Variants in DLGAP2 observed in about 807,000 individuals in gnomAD.
DLGAP2 encodes disks large-associated protein 2.
In DLGAP2, 26 loss-of-function variants were observed where a neutral mutation model predicts 100.3. The observed-to-expected ratio is 0.26, with a 90% CI of 0.19 to 0.36. The LOEUF is 0.36. Ranked by LOEUF, DLGAP2 falls within the 10% of genes least tolerant of loss-of-function variation. The pLI, the probability that DLGAP2 is intolerant of heterozygous loss-of-function variation, is 1.00. For synonymous variants in DLGAP2, 886 were observed against 630.1 expected (o/e 1.41, Z -6.08); for missense variants, 1,858 against 1,453.2 (o/e 1.28, Z -4.53).
chr8:867,200 C>A (rs1797514865), intron 1 of DLGAP2, among the ~76,000 whole-genome samples: 1 of 152,196 alleles, frequency 6.6e-6, no homozygotes, highest in South Asian at 2.1e-4. Flanking sequence ...GATCTATTTG[C>A]TTTATGCAAG....
chr8:1,646,585 T>C (rs555155412), intron 8 of DLGAP2, among the ~76,000 whole-genome samples: 1 of 152,218 alleles, frequency 6.6e-6, no homozygotes, highest in Non-Finnish European at 1.5e-5. Context: ...CCATCAGCTC[T>C]TCACACTGGA....
intron 2 of DLGAP2, among the ~76,000 whole-genome samples, chr8:1,211,632 T>A (rs960845351): frequency 6.6e-6 from 1 of 152,130 alleles, no homozygotes; most frequent in African/African-American, 2.4e-5. Flanking sequence ...TCCCAGCACT[T>A]TGGGAGGCCA....
At chr8:748,994 ATTTTC>A (rs1774415605) in intron 1 of DLGAP2, among the ~76,000 whole-genome samples, 1 of 151,928 alleles carries the variant, frequency 6.6e-6, no homozygotes, top group Non-Finnish European at 1.5e-5. Flanking sequence ...ACTTTTGTAC[ATTTTC>A]TTTTCTTTTT....
At chr8:1,083,028 A>T (rs1803861808) in intron 2 of DLGAP2, among the ~76,000 whole-genome samples, 1 of 152,216 alleles carries the variant, frequency 6.6e-6, no homozygotes, top group Non-Finnish European at 1.5e-5. Flanking sequence ...ACCACAGTTA[A>T]TTACTTAGTT....
chr8:1,066,497 G>A (rs7004042), intron 2 of DLGAP2, among the ~76,000 whole-genome samples: 38,304 of 144,792 alleles, frequency 0.26, 4,603 homozygotes, highest in Admixed American at 0.32. Context: ...CCACGGTCAG[G>A]TCTGAGTGAG....
chr8:869,797 T>C (rs1339284493), intron 1 of DLGAP2, among the ~76,000 whole-genome samples: 1 of 152,166 alleles, frequency 6.6e-6, no homozygotes, highest in Non-Finnish European at 1.5e-5. Context: ...TGGTGGTTTA[T>C]GGTGACGAGT....
intron 2 of DLGAP2, among the ~76,000 whole-genome samples, chr8:909,656 G>A (rs1025731250): frequency 6.6e-6 from 1 of 152,196 alleles, no homozygotes; most frequent in African/African-American, 2.4e-5. Context: ...TATTTTTATA[G>A]TATAGAATGT....
intron 2 of DLGAP2, among the ~76,000 whole-genome samples, chr8:1,200,328 G>T (rs145908822): frequency 2.1e-3 from 327 of 152,316 alleles, no homozygotes; most frequent in Non-Finnish European, 2.1e-3. Context: ...ACTGAGCTCA[G>T]TCCCGTGGCC....
intron 3 of DLGAP2, among the ~76,000 whole-genome samples, chr8:1,320,086 G>A (rs1208012990): frequency 6.6e-6 from 1 of 152,094 alleles, no homozygotes; most frequent in East Asian, 1.9e-4. Context: ...TGGGCTCTGG[G>A]TGCATTCTGC....
chr8:1,232,915 G>A (rs138940842), intron 2 of DLGAP2, among the ~76,000 whole-genome samples: 216 of 152,296 alleles, frequency 1.4e-3, no homozygotes, highest in African/African-American at 5.0e-3. Flanking sequence ...ATCATCATTA[G>A]TAACCACTCC....
intron 3 of DLGAP2, among the ~76,000 whole-genome samples, chr8:1,285,080 C>T (rs1464688120): frequency 6.6e-6 from 1 of 152,166 alleles, no homozygotes; most frequent in East Asian, 1.9e-4. Flanking sequence ...AACAGGTTAT[C>T]TGTAGTATAA....
intron 1 of DLGAP2, among the ~76,000 whole-genome samples, chr8:818,056 A>G (rs1563047757): frequency 6.6e-6 from 1 of 151,964 alleles, no homozygotes; most frequent in Non-Finnish European, 1.5e-5. Context: ...AGGGCCATAG[A>G]GCTCCCAAGA....
At chr8:1,304,314 C>T (rs1186330433) in intron 3 of DLGAP2, among the ~76,000 whole-genome samples, 2 of 152,292 alleles carry the variant, frequency 1.3e-5, no homozygotes, top group Middle Eastern at 3.4e-3. Flanking sequence ...GCAGCTGGCC[C>T]TGATGATGAA....
At position 1,053,417 on chromosome 8, in the gene DLGAP2, G is replaced by A. The variant is rs534504954; in HGVS notation, c.73+145451G>A. Among the ~76,000 whole-genome samples, 3 of 152,314 alleles carry A rather than the reference G, an allele frequency of 2.0e-5. No individual in the cohort carries two copies. In the South Asian group the frequency reaches 6.2e-4, roughly 32 times the overall value. ...GAAGGGAAGGAGCTTGTGCAAGCTT[G>A]ATCTCCACAGAGAAGGAACCAGAAG... On this transcript the variant is annotated intron_variant, in intron 2 of 14. Transcript: ENST00000637795.
At chr8:1,641,380 C>G (rs1208065013) in intron 8 of DLGAP2, among the ~76,000 whole-genome samples, 4 of 152,164 alleles carry the variant, frequency 2.6e-5, no homozygotes, top group Non-Finnish European at 5.9e-5. Context: ...GTGTCCTTCT[C>G]TTATAAAATC....
At chr8:817,511 A>G (rs778312892) in intron 1 of DLGAP2, among the ~76,000 whole-genome samples, 3 of 152,292 alleles carry the variant, frequency 2.0e-5, no homozygotes, top group East Asian at 1.9e-4. Flanking sequence ...GTGAGGTAAT[A>G]TGATCTTTTG....
Position 1,352,294 on chromosome 8 carries a change from G to A in DLGAP2, c.106+93411G>A, listed in dbSNP as rs77209976. Among the ~76,000 whole-genome samples, 18 of 59,708 alleles carry A rather than the reference G, an allele frequency of 3.0e-4. 4 individuals carry two copies. Among genetic ancestry groups the A allele is most frequent in the Middle Eastern group, 0.014 (1 of 70 alleles). 39.2% of individuals were successfully genotyped at this position (59,708 alleles called of 152,430 possible). A position where few individuals can be genotyped will look rare whatever the true frequency, so the allele number is the denominator to read the frequency against. On this transcript the variant is annotated intron_variant, in intron 3 of 14. Transcript: ENST00000637795. ...TGGAAAGGACGTGCGGGTCCTGAGC[G>A]TGTGTGTGGAAAGGCCGTGCGGGTC...
intron 2 of DLGAP2, among the ~76,000 whole-genome samples, chr8:1,042,377 A>T (rs1184443890): frequency 6.6e-6 from 1 of 152,218 alleles, no homozygotes; most frequent in Non-Finnish European, 1.5e-5. Context: ...CAGGAAAAAC[A>T]TGTTAGACGC....
rs753025360 is a variant in DLGAP2, at chr8:1,549,159, G to A, written c.706G>A (p.Val236Met). The A allele has an allele frequency of 2.5e-6, 4 of 1,597,070 alleles. No homozygotes were observed. The highest frequency in any genetic ancestry group is 3.5e-5 in the Admixed American group (2 of 57,288). Reference sequence around the variant, plus strand: ...GCGGATCCGCCACCTGGTACACTCCGTGCAGAAGCTCTTCACCAAGTCGCA... The same window carrying A: ...GCGGATCCGCCACCTGGTACACTCCATGCAGAAGCTCTTCACCAAGTCGCA... Reference protein sequence around the residue: ...PGRIRHLVHSVQKLFTKSHSL... With the variant: ...PGRIRHLVHSMQKLFTKSHSL... Residue 236 changes from valine to methionine, a missense_variant, in exon 5 of 15, where the codon GTG becomes ATG. Val to Met is a conservative substitution (Grantham distance 21). Transcript: ENST00000637795.
Sources: gnomAD v4.1 joint callset for allele counts (sites outside exome capture counted in the v4.1 genomes callset) on GRCh38, gnomAD v4.1.1 for gene constraint, MANE v1.5 for transcripts, NCBI Gene and HGNC (gene_info 2026-07-23, HGNC 2026-07-21) for gene names.